The following RNF17 variants were observed in gnomAD, a reference collection of about 807,000 sequenced individuals.
RNF17 encodes ring finger protein 17, also known as spermatogenesis associated 23.
Under a neutral mutation model 200.5 loss-of-function variants are expected in RNF17, and 31 were observed. That is an observed-to-expected ratio of 0.15 (90% CI 0.12 to 0.21). The LOEUF (loss-of-function observed/expected upper bound fraction) is 0.21, where lower values mean the gene tolerates loss of function less well. RNF17 is among the 10% of genes least tolerant of loss of function. The pLI is 1.00. For missense variants in RNF17, 1,628 were observed against 1,905.1 expected (o/e 0.85, Z 2.71); for synonymous variants, 606 against 637.8 (o/e 0.95, Z 0.75).
intron 11 of RNF17, among the ~76,000 whole-genome samples, chr13:24,798,618 TG>T (rs1160891668): frequency 9.8e-5 from 15 of 152,324 alleles, no homozygotes; most frequent in Middle Eastern, 3.4e-3. Flanking sequence ...CCATGTGAGT[TG>T]GGCTAGATTA....
chr13:24,850,356 T>A lies in RNF17; in HGVS notation c.3117T>A (p.Ser1039Arg). 1 of 1,612,926 alleles carries A rather than the reference T, an allele frequency of 6.2e-7. No individual in the cohort carries two copies. Among genetic ancestry groups the A allele is most frequent in the Middle Eastern group, 1.7e-4 (1 of 6,050 alleles). Reference sequence around the variant, plus strand: ...TCTGTTGTAGACCAGCTGGTGGGAGTGACAAGTGGACAGCAACAGCTTGTG... The same window carrying A: ...TCTGTTGTAGACCAGCTGGTGGGAGAGACAAGTGGACAGCAACAGCTTGTG... ...SLVDIRPAGG[S>R]DKWTATACDC... The change falls in exon 23 of 36, where the codon AGT (serine) becomes AGA (arginine). Residue 1039 changes from serine (S) to arginine (R), a missense_variant. This residue lies in a region of RNF17 where 227 missense variants were observed against 319.8 expected (regional missense o/e 0.71). Coordinates refer to ENST00000255324, the MANE Select transcript of RNF17 (RefSeq NM_031277.3).
In RNF17 at chr13:24,802,504, C is replaced by T; in HGVS notation, c.1882C>T (p.Pro628Ser). 6.2e-7 allele frequency: 1 copy of T among 1,613,666 alleles called. No homozygotes were observed. The highest frequency in any genetic ancestry group is 1.1e-5 in the South Asian group (1 of 91,004). Residue 628 changes from proline to serine, a missense_variant, in exon 14 of 36, where the codon CCG becomes TCG. By Grantham distance (74) the Pro-to-Ser change is moderately conservative. Transcript: ENST00000255324. ...VLIVDLQKPP[P>S]NKISSDMPVS... ...TATTGTAGATCTGCAAAAACCACCA[C>T]CGAATAAAATAAGCAGTGATATGCC...
At chr13:24,765,195 T>C (rs1266343873) in intron 1 of RNF17, among the ~76,000 whole-genome samples, 1 of 152,060 alleles carries the variant, frequency 6.6e-6, no homozygotes, top group African/African-American at 2.4e-5. Context: ...TTTTGTATAT[T>C]TAGTAGAGAC....
At chr13:24,770,453 G>A (rs1880499923) in intron 2 of RNF17, among the ~76,000 whole-genome samples, 1 of 152,130 alleles carries the variant, frequency 6.6e-6, no homozygotes, top group Non-Finnish European at 1.5e-5. Context: ...TGGAAGAAAT[G>A]TCCTGCATCA....
chr13:24,765,230 T>C (rs1447140451), intron 1 of RNF17, among the ~76,000 whole-genome samples: 1 of 152,088 alleles, frequency 6.6e-6, no homozygotes, highest in Non-Finnish European at 1.5e-5. Context: ...TTAGCCAGGA[T>C]GGTCTCGATC....
At chr13:24,749,307 C>CTTTCTTTCTTTTT in the RNF17 span, among the ~76,000 whole-genome samples, 63 of 108,018 alleles carry the variant, frequency 5.8e-4, no homozygotes, top group South Asian at 2.6e-3. Flanking sequence ...TTCTTTCTTT[C>CTTTCTTTCTTTTT]TTTTTTTTTT....
At chr13:24,825,812 C>T (rs780741172) in intron 16 of RNF17, 40 bp downstream of exon 16, 8 of 1,576,856 alleles carry the variant, frequency 5.1e-6, no homozygotes, top group African/African-American at 2.7e-5. Flanking sequence ...AGATGTCATA[C>T]TTCAAAACTA....
chr13:24,887,518 C>A, the RNF17 span, among the ~76,000 whole-genome samples: 1 of 152,182 alleles, frequency 6.6e-6, no homozygotes, highest in Non-Finnish European at 1.5e-5. Flanking sequence ...ATCCAGGTTG[C>A]ACGCTCCTTA....
At position 24,807,405 on chromosome 13, in the gene RNF17, G is replaced by A. The variant is rs368580182; in HGVS notation, c.2091+2976G>A. 5.3e-3 allele frequency among the ~76,000 whole-genome samples: 800 copies of A among 152,106 alleles called. 19 individuals are homozygous for A. The East Asian group carries it at 0.08, about 15-fold the overall frequency. ...TGCATTTCTCTGATGGCCAGTGATG[G>A]TGAGCATTTTTTCATGTGTCTTTTG... On this transcript the variant is annotated intron_variant, in intron 15 of 35. Coordinates refer to ENST00000255324, the MANE Select transcript of RNF17 (RefSeq NM_031277.3).
the RNF17 span, chr13:24,886,059 T>C: frequency 2.7e-5 from 10 of 364,282 alleles, no homozygotes. Context: ...GGCTATGGTA[T>C]AAACTTTTTG....
At position 24,866,199 on chromosome 13, in the gene RNF17, T is replaced by G. The variant is rs1893608597; in HGVS notation, c.4157T>G (p.Phe1386Cys). The change falls in exon 30 of 36, where the codon TTT becomes TGT. Residue 1386 changes from phenylalanine to cysteine, a missense_variant. Physicochemically the swap from Phe to Cys is radical, Grantham distance 205. Around this residue, in one of 5 missense-constraint regions of RNF17, gnomAD observed 609 missense variants for 681.9 expected, o/e 0.89. Transcript: ENST00000255324. ...GAAGAGGAACAATGGGAAATAAGGT[T>G]TGAGGTAAGTAACAATCCAAGTATT... Reference protein sequence around the residue: ...KYEEEQWEIRFEELLSAETDT... With the variant: ...KYEEEQWEIRCEELLSAETDT... 2 of 1,538,140 alleles carry G rather than the reference T, an allele frequency of 1.3e-6. No individual in the cohort carries two copies. Among genetic ancestry groups the G allele is most frequent in the African/African-American group, 2.7e-5 (2 of 73,710 alleles).
chr13:24,793,417 G>A (rs1389912350), intron 10 of RNF17, 71 bp downstream of exon 10: 8 of 1,369,864 alleles, frequency 5.8e-6, no homozygotes, highest in African/African-American at 1.5e-5. Context: ...TACCTTTTTC[G>A]TCCATGCATT....
chr13:24,830,456 G>A (rs1889262135), intron 16 of RNF17, 28 bp from the exon 17 acceptor site: 1 of 1,396,918 alleles, frequency 7.2e-7, no homozygotes, highest in African/African-American at 1.4e-5. Flanking sequence ...TTCCAAGTTT[G>A]TAATTTCTAA....
intron 4 of RNF17, among the ~76,000 whole-genome samples, chr13:24,779,211 GA>G (rs1044563759): frequency 2.1e-4 from 31 of 151,130 alleles, no homozygotes; most frequent in African/African-American, 6.8e-4. Flanking sequence ...AAAATAAAAA[GA>G]AAAAAAAATC....
chr13:24,882,623 C>T (rs1259642749), downstream of RNF17: 1 of 153,970 alleles, frequency 6.5e-6, no homozygotes, highest in African/African-American at 2.4e-5. Context: ...GCTTTCTCTT[C>T]ACCATGATTA....
chr13:24,885,542 T>TTA, the RNF17 span: 8 of 1,321,800 alleles, frequency 6.1e-6, no homozygotes, highest in Non-Finnish European at 8.8e-6. Context: ...GTTAAGTCTA[T>TTA]TAACAAATTG....
At chr13:24,768,923 G>A (rs983405071) in intron 2 of RNF17, among the ~76,000 whole-genome samples, 1 of 150,582 alleles carries the variant, frequency 6.6e-6, no homozygotes, top group Non-Finnish European at 1.5e-5. Flanking sequence ...ATTAATGAAA[G>A]TTTAAATTAT....
intron 24 of RNF17, among the ~76,000 whole-genome samples, chr13:24,852,191 T>G (rs1159295455): frequency 6.8e-6 from 1 of 147,462 alleles, no homozygotes; most frequent in Non-Finnish European, 1.5e-5. Flanking sequence ...CAGGCTGGAG[T>G]GCAGTGGCGC....
intron 4 of RNF17, among the ~76,000 whole-genome samples, chr13:24,779,408 C>T (rs1882044776): frequency 6.6e-6 from 1 of 151,812 alleles, no homozygotes; most frequent in African/African-American, 2.4e-5. Context: ...AATTACAGGG[C>T]ATTATCCCAT....
Sources: allele counts gnomAD v4.1 joint callset (sites outside exome capture counted in the v4.1 genomes callset), GRCh38; gene constraint gnomAD v4.1.1; regional missense constraint gnomAD v4.1.1; transcripts MANE v1.5; gene names NCBI Gene and HGNC (gene_info 2026-07-23, HGNC 2026-07-21).